The following COL5A1 variants were observed in gnomAD, a reference collection of about 807,000 sequenced individuals.
COL5A1 encodes collagen type V alpha 1 chain.
COL5A1 carries 16 observed loss-of-function variants against 263.7 expected under a neutral mutation model. That is an observed-to-expected ratio of 0.06 (90% CI 0.04 to 0.09). The LOEUF is 0.09. COL5A1 is among the 10% of genes least tolerant of loss of function. The probability of loss-of-function intolerance (pLI) is 1.00; values close to 1 mark genes in which losing one functional copy is unlikely to be tolerated. For missense variants in COL5A1, 2,036 were observed against 2,540.5 expected (o/e 0.80, Z 4.27); for synonymous variants, 1,012 against 1,004.5 (o/e 1.01, Z -0.14).
rs1325140873 is a variant in COL5A1 at position 134,809,206 on chromosome 9, A to G, written c.3390A>G (p.Pro1130=). ...GAPGEKGPQG[P]AGRDGLQGPV... ...AGGGCGAGAAAGGCCCACAAGGCCC[A>G]GCTGGCCGAGACGGTCTCCAGGGGC... Residue 1130 remains proline (P), a synonymous_variant, in exon 43 of 66, where the codon CCA becomes CCG. Coordinates refer to ENST00000371817, the MANE Select transcript of COL5A1 (RefSeq NM_000093.5). 1 of 1,594,206 alleles carries G rather than the reference A, an allele frequency of 6.3e-7. No individual in the cohort carries two copies. The highest frequency in any genetic ancestry group is 8.5e-7 in the Non-Finnish European group (1 of 1,170,188).
intron 1 of COL5A1, among the ~76,000 whole-genome samples, chr9:134,689,045 C>T (rs766262233): frequency 3.9e-5 from 6 of 152,194 alleles, no homozygotes; most frequent in African/African-American, 7.2e-5. Context: ...GCACAGTGCC[C>T]GCGCTGAGTC....
intron 1 of COL5A1, among the ~76,000 whole-genome samples, chr9:134,679,261 CTG>C (rs1564381661): frequency 6.7e-6 from 1 of 150,212 alleles, no homozygotes; most frequent in African/African-American, 2.5e-5. Flanking sequence ...CTAGGGGGCA[CTG>C]CCGGGCTGGT....
intron 1 of COL5A1, among the ~76,000 whole-genome samples, chr9:134,670,521 A>G (rs1018024672): frequency 1.3e-5 from 2 of 152,096 alleles, no homozygotes. Flanking sequence ...GGGAGCTGTG[A>G]TTTAATGCTT....
chr9:134,731,354 C>G, intron 7 of COL5A1, 142 bp from the exon 8 acceptor site: 1 of 853,160 alleles, frequency 1.2e-6, no homozygotes, highest in East Asian at 2.6e-5. Flanking sequence ...GACCGGGTAG[C>G]CATGGTGCCA....
intron 1 of COL5A1, among the ~76,000 whole-genome samples, chr9:134,661,068 A>T (rs1588414512): frequency 6.6e-6 from 1 of 151,952 alleles, no homozygotes; most frequent in African/African-American, 2.4e-5. Flanking sequence ...AGCTTACCAC[A>T]CCCACCACTG....
At chr9:134,804,878 C>T (rs1838239823) in intron 39 of COL5A1, 97 bp from the exon 40 acceptor site, 1 of 1,067,040 alleles carries the variant, frequency 9.4e-7, no homozygotes, top group East Asian at 2.4e-5. Flanking sequence ...GTTGCTGGCT[C>T]CAAGAGAGAA....
intron 64 of COL5A1, among the ~76,000 whole-genome samples, chr9:134,830,813 A>C (rs1333635413): frequency 6.6e-6 from 1 of 152,316 alleles, no homozygotes; most frequent in East Asian, 1.9e-4. Flanking sequence ...AGTGCCCAAG[A>C]GCCAGTTTGG....
chr9:134,834,888 G>A (rs1243836095), intron 64 of COL5A1, 83 bp from the exon 65 acceptor site: 1 of 985,378 alleles, frequency 1.0e-6, no homozygotes. Context: ...CAGTGTGAGT[G>A]AAGCCCAGGG....
intron 38 of COL5A1, 79 bp downstream of exon 38, chr9:134,802,086 C>T: frequency 2.9e-6 from 4 of 1,402,678 alleles, no homozygotes; most frequent in Non-Finnish European, 3.0e-6. Context: ...GCCCGGGCAT[C>T]TGTTCCCTCC....
chr9:134,666,594 C>T (rs774708996), intron 1 of COL5A1, among the ~76,000 whole-genome samples: 1 of 152,198 alleles, frequency 6.6e-6, no homozygotes, highest in East Asian at 1.9e-4. Flanking sequence ...TGACTGAGAG[C>T]TCGTGAAGGT....
In COL5A1 at chr9:134,818,985, T is replaced by G; in HGVS notation, c.4393-15T>G. The G allele has an allele frequency of 6.2e-7, 1 of 1,613,416 alleles. No homozygotes were observed. Among genetic ancestry groups the G allele is most frequent in the South Asian group, 1.1e-5 (1 of 91,076 alleles). ...CCAAGGATGAGGACTCTGATCCCCCTGCCTCCTCCCACAGGGTCCCCCAGG... is the reference window on the plus strand; with the variant it reads ...CCAAGGATGAGGACTCTGATCCCCCGGCCTCCTCCCACAGGGTCCCCCAGG... On this transcript the variant is annotated splice_polypyrimidine_tract_variant and intron_variant, in intron 56 of 65. Transcript: ENST00000371817. This position sits in a 1 kb window ranked among gnomAD's most constrained non-coding sequence, Gnocchi z 6.0.
intron 1 of COL5A1, among the ~76,000 whole-genome samples, chr9:134,688,552 G>T (rs150605317): frequency 6.6e-6 from 1 of 152,198 alleles, no homozygotes; most frequent in Non-Finnish European, 1.5e-5. Flanking sequence ...GGGCCAGGTG[G>T]GAGGTGCCAT....
Position 134,747,736 on chromosome 9 carries a change from C to A in COL5A1, c.1495-2806C>A, listed in dbSNP as rs562468068. On this transcript the variant is annotated intron_variant, in intron 11 of 65. Coordinates refer to ENST00000371817, the MANE Select transcript of COL5A1 (RefSeq NM_000093.5). Reference sequence around the variant, plus strand: ...ATACACACATGCAGACACATGCACACATGCAAACACATGCACACATGCATT... The same window carrying A: ...ATACACACATGCAGACACATGCACAAATGCAAACACATGCACACATGCATT... Among the ~76,000 whole-genome samples the A allele has an allele frequency of 1.4e-4, 21 of 151,742 alleles. 1 individual carries two copies. In the East Asian group the frequency reaches 3.9e-3, roughly 28 times the overall value.
Position 134,686,396 on chromosome 9 carries a change from G to A in COL5A1, c.110-4516G>A, listed in dbSNP as rs1202734549. 6.6e-6 allele frequency among the ~76,000 whole-genome samples: 1 copy of A among 152,062 alleles called. No homozygotes were observed. The highest frequency in any genetic ancestry group is 1.5e-5 in the Non-Finnish European group (1 of 68,016). The stretch of plus-strand genomic sequence containing the variant: ...AGCCCCTCAGTAGCTGGGATCACAG[G>A]TGCATGCCACCAAGCCCAGCTAATT... On this transcript the variant is annotated intron_variant, in intron 1 of 65. Coordinates refer to ENST00000371817, the MANE Select transcript of COL5A1 (RefSeq NM_000093.5). The surrounding 1 kb of genome is among the most constrained non-coding windows in gnomAD (Gnocchi z 4.6).
Position 134,680,066 on chromosome 9 carries a change from TAAGC to T in COL5A1, c.110-10843_110-10840del, listed in dbSNP as rs933223485. On this transcript the variant is annotated intron_variant, in intron 1 of 65. Coordinates refer to ENST00000371817, the MANE Select transcript of COL5A1 (RefSeq NM_000093.5). This position sits in a 1 kb window ranked among gnomAD's most constrained non-coding sequence, Gnocchi z 5.9. Reference sequence around the variant, plus strand: ...ATCCTTTGCACAGAGAATCTCATAATAAGCAATGCAGTGAGAGCAGTGACACTGT... The same window carrying T: ...ATCCTTTGCACAGAGAATCTCATAATAATGCAGTGAGAGCAGTGACACTGT... Among the ~76,000 whole-genome samples, 3 of 152,026 alleles carry T rather than the reference TAAGC, an allele frequency of 2.0e-5. No homozygotes were observed. The highest frequency in any genetic ancestry group is 4.4e-5 in the Non-Finnish European group (3 of 67,980).
At chr9:134,721,550 GC>G (rs1834456966) in intron 4 of COL5A1, among the ~76,000 whole-genome samples, 1 of 152,126 alleles carries the variant, frequency 6.6e-6, no homozygotes, top group Non-Finnish European at 1.5e-5. Flanking sequence ...GAATCAGGTG[GC>G]CCCAGGGGTG....
At chr9:134,759,533 C>T (rs1419768913) in intron 18 of COL5A1, among the ~76,000 whole-genome samples, 1 of 88,860 alleles carries the variant, frequency 1.1e-5, no homozygotes, top group African/African-American at 6.5e-5. Context: ...ACCACATACA[C>T]CACACATGCG....
At chr9:134,807,346 T>C (rs1298486776) in intron 42 of COL5A1, among the ~76,000 whole-genome samples, 1 of 152,166 alleles carries the variant, frequency 6.6e-6, no homozygotes, top group South Asian at 2.1e-4. Context: ...CAGGCTGGAG[T>C]GCAGTGGCGC....
chr9:134,811,820 C>T (rs925121761), intron 46 of COL5A1, among the ~76,000 whole-genome samples: 2 of 152,208 alleles, frequency 1.3e-5, no homozygotes, highest in Non-Finnish European at 2.9e-5. Flanking sequence ...TTTCTGTGCT[C>T]ATTGTGGAAA....
Sources: allele counts gnomAD v4.1 joint callset (sites outside exome capture counted in the v4.1 genomes callset), GRCh38; gene constraint gnomAD v4.1.1; non-coding constraint Gnocchi (gnomAD v3.1); transcripts MANE v1.5; gene names NCBI Gene and HGNC (gene_info 2026-07-23, HGNC 2026-07-21).